The following EYS variants were observed in gnomAD, a reference collection of about 807,000 sequenced individuals.
EYS encodes the protein protein eyes shut homolog.
In EYS, 250 loss-of-function variants were observed where a neutral mutation model predicts 282.1. The ratio of observed to expected loss-of-function variants is 0.89; its 90% CI spans 0.80 to 0.98. The LOEUF is 0.98. Ranked by LOEUF, EYS falls within the 50% of genes least tolerant of loss-of-function variation. EYS has a pLI of 0.00. For synonymous variants in EYS, 1,355 were observed against 1,282.9 expected, an observed-to-expected ratio of 1.06 and a Z score of -1.20; for missense variants, 4,016 against 3,709.0, an observed-to-expected ratio of 1.08 and a Z score of -2.15.
At chr6:64,343,776 T>A (rs2150398350) in intron 29 of EYS, among the ~76,000 whole-genome samples, 1 of 152,184 alleles carries the variant, frequency 6.6e-6, no homozygotes, top group East Asian at 1.9e-4. Flanking sequence ...CAGCTGGTTT[T>A]TTGAAAAGAT....
intron 35 of EYS, among the ~76,000 whole-genome samples, chr6:63,878,082 T>C (rs900453996): frequency 6.6e-6 from 1 of 152,220 alleles, no homozygotes; most frequent in Non-Finnish European, 1.5e-5. Flanking sequence ...GCTTTTCTGC[T>C]CTGGTTTCTC....
At chr6:65,310,602 T>G (rs1769130532) in intron 11 of EYS, among the ~76,000 whole-genome samples, 1 of 152,172 alleles carries the variant, frequency 6.6e-6, no homozygotes, top group Non-Finnish European at 1.5e-5. Flanking sequence ...TGTCTACCTC[T>G]TCTGCCTCAT....
intron 2 of EYS, among the ~76,000 whole-genome samples, chr6:65,599,790 T>A (rs1270082356): frequency 6.6e-6 from 1 of 151,952 alleles, no homozygotes; most frequent in African/African-American, 2.4e-5. Context: ...TGCCTATTCA[T>A]AGGGAAGGGG....
chr6:63,862,705 A>G (rs1210698440), intron 36 of EYS, among the ~76,000 whole-genome samples: 2 of 152,206 alleles, frequency 1.3e-5, no homozygotes, highest in Non-Finnish European at 2.9e-5. Context: ...GCTTTTATCT[A>G]AATAGAATGA....
At chr6:65,094,431 T>C (rs1952996) in intron 12 of EYS, among the ~76,000 whole-genome samples, 28,993 of 151,028 alleles carry the variant, frequency 0.19, 3,359 homozygotes, top group South Asian at 0.27. Context: ...AACATTGTTT[T>C]TAAACATGCA....
chr6:65,089,943 C>CA (rs376305956), intron 12 of EYS, among the ~76,000 whole-genome samples: 12,646 of 77,708 alleles, frequency 0.16, 876 homozygotes, highest in African/African-American at 0.26. Flanking sequence ...GGCAAGAAAG[C>CA]AAAAAAAAAA....
intron 26 of EYS, among the ~76,000 whole-genome samples, chr6:64,517,814 C>A (rs1777611857): frequency 6.6e-6 from 1 of 151,838 alleles, no homozygotes; most frequent in Non-Finnish European, 1.5e-5. Flanking sequence ...ATTATTGGAG[C>A]ACCTCAAAAC....
At chr6:64,164,758 T>G (rs1562233375) in intron 31 of EYS, among the ~76,000 whole-genome samples, 1 of 152,128 alleles carries the variant, frequency 6.6e-6, no homozygotes, top group Non-Finnish European at 1.5e-5. Flanking sequence ...CAACAATATA[T>G]TTTGATTTGC....
chr6:64,315,153 A>T (rs1437566582), intron 29 of EYS, among the ~76,000 whole-genome samples: 4 of 152,182 alleles, frequency 2.6e-5, no homozygotes, highest in African/African-American at 4.8e-5. Context: ...ACACCTCTAC[A>T]CAAATAAACT....
intron 31 of EYS, among the ~76,000 whole-genome samples, chr6:64,208,074 G>A (rs1217544855): frequency 6.6e-6 from 1 of 152,086 alleles, no homozygotes; most frequent in South Asian, 2.1e-4. Flanking sequence ...AGTGCTATGG[G>A]GTAAAGACCC....
intron 12 of EYS, among the ~76,000 whole-genome samples, chr6:65,138,972 T>G (rs1053414702): frequency 6.6e-6 from 1 of 152,148 alleles, no homozygotes; most frequent in Non-Finnish European, 1.5e-5. Flanking sequence ...TGAATGCTTA[T>G]GCACTGCTAG....
In EYS at chr6:65,646,882, G is replaced by C. The variant is rs2149816143; in HGVS notation, c.-447-6990C>G. On this transcript the variant is annotated intron_variant, in intron 1 of 42. Coordinates refer to ENST00000503581, the MANE Select transcript of EYS (RefSeq NM_001142800.2). Reference sequence around the variant, plus strand: ...TTTGCTATACACCAGCAGCGACCAAGCTAAGAATCAAATTAAGAACCACTT... The same window carrying C: ...TTTGCTATACACCAGCAGCGACCAACCTAAGAATCAAATTAAGAACCACTT... 1.3e-5 allele frequency among the ~76,000 whole-genome samples: 2 copies of C among 152,142 alleles called. 1 individual carries two copies. The highest frequency in any genetic ancestry group is 1.3e-4 in the Admixed American group (2 of 15,280).
At chr6:65,612,791 T>C (rs1766047000) in intron 2 of EYS, among the ~76,000 whole-genome samples, 1 of 151,710 alleles carries the variant, frequency 6.6e-6, no homozygotes, top group African/African-American at 2.4e-5. Flanking sequence ...AGTGATTAAA[T>C]TTAAATTAAG....
rs143178006 is a variant in EYS, at chr6:64,357,488, T to C, written c.6078+31202A>G. Among the ~76,000 whole-genome samples, 285 of 151,668 alleles carry C rather than the reference T, an allele frequency of 1.9e-3. 1 individual carries two copies. Among genetic ancestry groups the C allele is most frequent in the African/African-American group, 6.6e-3 (273 of 41,470 alleles). On this transcript the variant is annotated intron_variant, in intron 29 of 42. Coordinates refer to ENST00000503581, the MANE Select transcript of EYS (RefSeq NM_001142800.2). ...ATTTTTTTCAAGGCTCTGGCAAAAATGTGGAGGATGTTTCTCAACTTTCAG... is the reference window on the plus strand; with the variant it reads ...ATTTTTTTCAAGGCTCTGGCAAAAACGTGGAGGATGTTTCTCAACTTTCAG...
At chr6:65,530,528 C>T (rs1767727529) in intron 2 of EYS, among the ~76,000 whole-genome samples, 1 of 152,100 alleles carries the variant, frequency 6.6e-6, no homozygotes, top group African/African-American at 2.4e-5. Flanking sequence ...GGACCCCTGG[C>T]TTAAATGTCA....
chr6:64,400,054 A>G (rs946119579), intron 28 of EYS, among the ~76,000 whole-genome samples: 5 of 151,962 alleles, frequency 3.3e-5, no homozygotes, highest in African/African-American at 1.2e-4. Flanking sequence ...AAATAAATGA[A>G]CAGAAGAAAA....
chr6:64,926,859 T>C (rs1231574545), intron 15 of EYS, among the ~76,000 whole-genome samples: 1 of 152,166 alleles, frequency 6.6e-6, no homozygotes, highest in Non-Finnish European at 1.5e-5. Flanking sequence ...AGAATTCCTA[T>C]ACCAAGACAT....
chr6:63,723,924 C>T (rs1582143170), intron 42 of EYS, among the ~76,000 whole-genome samples: 2 of 151,892 alleles, frequency 1.3e-5, no homozygotes, highest in East Asian at 3.9e-4. Flanking sequence ...CGGGCTGCCT[C>T]AGTTTCCCGA....
intron 2 of EYS, among the ~76,000 whole-genome samples, chr6:65,517,019 A>T (rs1359008423): frequency 6.6e-6 from 1 of 151,932 alleles, no homozygotes; most frequent in East Asian, 1.9e-4. Context: ...TAGCTCTATT[A>T]TTTATAGTGC....
Sources: allele counts gnomAD v4.1 joint callset (sites outside exome capture counted in the v4.1 genomes callset), GRCh38; gene constraint gnomAD v4.1.1; transcripts MANE v1.5; gene names NCBI Gene and HGNC (gene_info 2026-07-23, HGNC 2026-07-21).